The following HACD2 variants were observed in gnomAD, a reference collection of about 807,000 sequenced individuals.
HACD2 encodes the protein very-long-chain (3R)-3-hydroxyacyl-CoA dehydratase 2.
Under a neutral mutation model 31.0 loss-of-function variants are expected in HACD2, and 15 were observed. The observed-to-expected ratio is 0.48, with a 90% CI of 0.32 to 0.75. The LOEUF (loss-of-function observed/expected upper bound fraction) is 0.75. HACD2 is among the 30% of genes least tolerant of loss of function. The probability of loss-of-function intolerance (pLI) is 0.03; values close to 1 mark genes in which losing one functional copy is unlikely to be tolerated. For missense variants in HACD2, 283 were observed against 313.0 expected, an observed-to-expected ratio of 0.90 and a Z score of 0.72; for synonymous variants, 115 against 122.2, an observed-to-expected ratio of 0.94 and a Z score of 0.39.
chr3:123,545,548 T>TA lies in HACD2; in HGVS notation c.293-17075dup, dbSNP rs375205125. Among the ~76,000 whole-genome samples the TA allele has an allele frequency of 6.3e-3, 772 of 121,814 alleles. 8 individuals carry two copies. The highest frequency in any genetic ancestry group is 0.016 in the African/African-American group (506 of 31,998). 79.9% of individuals were successfully genotyped at this position (121,814 alleles called of 152,430 possible). On this transcript the variant is annotated intron_variant, in intron 3 of 6. Coordinates refer to ENST00000383657, the MANE Select transcript of HACD2 (RefSeq NM_198402.5). ...AAATAGAAATAAAGTCTTTTTACTT[T>TA]AAAAAAAAAAAAAAAAAGACCACAA...
intron 4 of HACD2, among the ~76,000 whole-genome samples, chr3:123,524,709 T>C (rs2056257602): frequency 6.6e-6 from 1 of 152,138 alleles, no homozygotes; most frequent in African/African-American, 2.4e-5. Context: ...TCTCACTATG[T>C]TGCCCCAGCT....
chr3:123,547,740 G>T (rs1181451097), intron 3 of HACD2, among the ~76,000 whole-genome samples: 1 of 152,116 alleles, frequency 6.6e-6, no homozygotes, highest in Non-Finnish European at 1.5e-5. Context: ...GAAATAAAGG[G>T]AGAAACAAAC....
At chr3:123,551,768 G>C (rs1160672728) in intron 3 of HACD2, among the ~76,000 whole-genome samples, 1 of 152,152 alleles carries the variant, frequency 6.6e-6, no homozygotes, top group Non-Finnish European at 1.5e-5. Flanking sequence ...AATCACAGCT[G>C]TATAAACATT....
intron 4 of HACD2, among the ~76,000 whole-genome samples, chr3:123,516,383 C>T (rs111889690): frequency 0.034 from 5,225 of 151,968 alleles, 93 homozygotes; most frequent in Middle Eastern, 0.088. Flanking sequence ...TACAGGCGCC[C>T]GCTGCGACGC....
chr3:123,498,721 T>C (rs1356189476), intron 6 of HACD2, among the ~76,000 whole-genome samples: 22 of 152,230 alleles, frequency 1.4e-4, no homozygotes. Context: ...TGGGGACTGC[T>C]GCTCTAAAAG....
intron 2 of HACD2, among the ~76,000 whole-genome samples, chr3:123,579,805 G>A (rs556731259): frequency 9.9e-5 from 15 of 152,118 alleles, no homozygotes; most frequent in Admixed American, 2.6e-4. Flanking sequence ...ACTAGTGTCC[G>A]CTTCCAAAAA....
chr3:123,561,796 T>A (rs183645502), intron 3 of HACD2, among the ~76,000 whole-genome samples: 11 of 151,316 alleles, frequency 7.3e-5, no homozygotes, highest in African/African-American at 2.2e-4. Flanking sequence ...AAAAAACATA[T>A]CTCAGGGTGG....
intron 3 of HACD2, among the ~76,000 whole-genome samples, chr3:123,536,286 G>A (rs570738250): frequency 2.6e-5 from 4 of 152,290 alleles, no homozygotes; most frequent in African/African-American, 7.2e-5. Context: ...GCTCAGAGGG[G>A]AGAACAACTG....
At chr3:123,542,851 T>G (rs912929513) in intron 3 of HACD2, among the ~76,000 whole-genome samples, 1 of 152,236 alleles carries the variant, frequency 6.6e-6, no homozygotes, top group Non-Finnish European at 1.5e-5. Context: ...AATCTGAAGA[T>G]GCTCCAACTG....
At chr3:123,550,612 C>T (rs571589298) in intron 3 of HACD2, among the ~76,000 whole-genome samples, 2 of 152,152 alleles carry the variant, frequency 1.3e-5, no homozygotes, top group African/African-American at 2.4e-5. Flanking sequence ...TGATTAGGAA[C>T]GAGGTGGAAA....
intron 2 of HACD2, among the ~76,000 whole-genome samples, chr3:123,570,527 AAAGT>A (rs1301812735): frequency 2.6e-5 from 4 of 152,238 alleles, no homozygotes; most frequent in Admixed American, 6.5e-5. Context: ...ATAACATGCT[AAAGT>A]AAGTAACAGT....
At chr3:123,515,815 GCA>G (rs1185981592) in intron 4 of HACD2, among the ~76,000 whole-genome samples, 5 of 151,966 alleles carry the variant, frequency 3.3e-5, no homozygotes, top group African/African-American at 1.2e-4. Flanking sequence ...CAGTGCAGTG[GCA>G]CAGTGTCAGC....
chr3:123,560,531 C>G (rs953724849), intron 3 of HACD2, among the ~76,000 whole-genome samples: 1 of 152,164 alleles, frequency 6.6e-6, no homozygotes, highest in Non-Finnish European at 1.5e-5. Flanking sequence ...CTTTCTCCCC[C>G]ATCCCCCTGC....
At chr3:123,505,028 C>T (rs1018953060) in intron 4 of HACD2, among the ~76,000 whole-genome samples, 4 of 152,144 alleles carry the variant, frequency 2.6e-5, no homozygotes, top group Non-Finnish European at 5.9e-5. Flanking sequence ...AAGATGTGGT[C>T]TATACATACA....
chr3:123,540,431 T>C (rs942072706), intron 3 of HACD2, among the ~76,000 whole-genome samples: 1 of 152,196 alleles, frequency 6.6e-6, no homozygotes, highest in Non-Finnish European at 1.5e-5. Flanking sequence ...TCTGAAAGTC[T>C]AACCTCTGAA....
At chr3:123,528,890 G>A (rs2056317273) in intron 3 of HACD2, among the ~76,000 whole-genome samples, 2 of 152,154 alleles carry the variant, frequency 1.3e-5, no homozygotes, top group African/African-American at 4.8e-5. Context: ...ATGAGTGCTG[G>A]AAGCTCATGG....
intron 3 of HACD2, among the ~76,000 whole-genome samples, chr3:123,549,379 C>G (rs2056594588): frequency 6.6e-6 from 1 of 152,046 alleles, no homozygotes; most frequent in African/African-American, 2.4e-5. Flanking sequence ...TCACACTTCT[C>G]AAGGCTACAG....
intron 1 of HACD2, among the ~76,000 whole-genome samples, chr3:123,584,128 G>A (rs766720021): frequency 7.9e-5 from 12 of 152,126 alleles, no homozygotes; most frequent in Non-Finnish European, 1.3e-4. Context: ...TGAAAAAACG[G>A]AGGCTAGAGA....
chr3:123,579,352 T>C (rs964300120), intron 2 of HACD2, among the ~76,000 whole-genome samples: 14 of 152,010 alleles, frequency 9.2e-5, no homozygotes, highest in African/African-American at 3.1e-4. Context: ...TGGATTGCAG[T>C]GATGCAATCA....
Sources: gnomAD v4.1 joint callset for allele counts (sites outside exome capture counted in the v4.1 genomes callset) on GRCh38, gnomAD v4.1.1 for gene constraint, MANE v1.5 for transcripts, NCBI Gene and HGNC (gene_info 2026-07-23, HGNC 2026-07-21) for gene names.